The following UMAD1 variants were observed in gnomAD, a reference collection of about 807,000 sequenced individuals.
The protein encoded by UMAD1 is UBAP1-MVB12-associated (UMA)-domain containing protein 1.
Under a neutral mutation model 6.1 loss-of-function variants are expected in UMAD1, and 8 were observed. The ratio of observed to expected loss-of-function variants is 1.30; its 90% CI spans 0.76 to 2.35. UMAD1 has a LOEUF of 2.35. Ranked by LOEUF, UMAD1 falls within the 30% of genes most tolerant of loss-of-function variation. UMAD1 has a pLI of 0.00. For missense variants in UMAD1, 130 were observed against 78.4 expected, an observed-to-expected ratio of 1.66 and a Z score of -2.49; for synonymous variants, 56 against 31.4, an observed-to-expected ratio of 1.78 and a Z score of -2.61.
chr7:7,755,719 G>A (rs1379492126), intron 2 of UMAD1, among the ~76,000 whole-genome samples: 1 of 152,132 alleles, frequency 6.6e-6, no homozygotes, highest in Admixed American at 6.5e-5. Context: ...GTGGTTACAA[G>A]TTAAGAAACC....
intron 2 of UMAD1, among the ~76,000 whole-genome samples, chr7:7,689,888 C>G (rs1780133894): frequency 6.6e-6 from 1 of 152,106 alleles, no homozygotes; most frequent in South Asian, 2.1e-4. Context: ...TGATTAACAA[C>G]CATAGTAATT....
intron 2 of UMAD1, among the ~76,000 whole-genome samples, chr7:7,760,096 G>T (rs551775902): frequency 1.3e-5 from 2 of 152,194 alleles, no homozygotes; most frequent in South Asian, 2.1e-4. Flanking sequence ...TGCTCTTGGA[G>T]CCCGGAGCCA....
intron 3 of UMAD1, among the ~76,000 whole-genome samples, chr7:7,857,247 C>T (rs1055575726): frequency 2.0e-5 from 3 of 152,190 alleles, no homozygotes; most frequent in South Asian, 2.1e-4. Flanking sequence ...AGGGTCCACC[C>T]GGGAGTTTAC....
At chr7:7,838,011 C>G (rs75276521) in intron 3 of UMAD1, among the ~76,000 whole-genome samples, 8,318 of 151,870 alleles carry the variant, frequency 0.055, 469 homozygotes, top group East Asian at 0.21. Context: ...TTGTATGCCC[C>G]CAATAACAGA....
chr7:7,852,346 C>T (rs1270078860), intron 3 of UMAD1, among the ~76,000 whole-genome samples: 2 of 152,172 alleles, frequency 1.3e-5, no homozygotes, highest in Non-Finnish European at 2.9e-5. Flanking sequence ...AAGACACCTG[C>T]TGGGTGTCCT....
intron 2 of UMAD1, among the ~76,000 whole-genome samples, chr7:7,771,758 G>T (rs1341862665): frequency 6.6e-6 from 1 of 152,052 alleles, no homozygotes; most frequent in African/African-American, 2.4e-5. Flanking sequence ...CCTCACATTA[G>T]CTATGGCCCA....
intron 2 of UMAD1, among the ~76,000 whole-genome samples, chr7:7,682,946 C>T (rs994500166): frequency 1.3e-5 from 2 of 152,176 alleles, no homozygotes; most frequent in Non-Finnish European, 2.9e-5. Flanking sequence ...TTACCTGATT[C>T]TGGTTTACCT....
At chr7:7,643,520 G>A (rs984921959) in intron 1 of UMAD1, among the ~76,000 whole-genome samples, 1 of 152,184 alleles carries the variant, frequency 6.6e-6, no homozygotes, top group Non-Finnish European at 1.5e-5. Flanking sequence ...AGACCACCCT[G>A]GTCAACATGG....
At chr7:7,648,162 T>C (rs1859603) in intron 1 of UMAD1, among the ~76,000 whole-genome samples, 101,288 of 152,058 alleles carry the variant, frequency 0.67, 34,218 homozygotes, top group East Asian at 0.88. Flanking sequence ...AAAGAAGTCA[T>C]TTCGTTCTAA....
chr7:7,644,159 C>T (rs1219233802), intron 1 of UMAD1, among the ~76,000 whole-genome samples: 1 of 152,080 alleles, frequency 6.6e-6, no homozygotes, highest in African/African-American at 2.4e-5. Context: ...TGTCGTGACC[C>T]TAATTTGCAC....
At chr7:7,783,475 G>A (rs1370071272) in intron 2 of UMAD1, among the ~76,000 whole-genome samples, 4 of 151,912 alleles carry the variant, frequency 2.6e-5, no homozygotes, top group African/African-American at 9.7e-5. Flanking sequence ...CTACGAGGCT[G>A]GGAAGTGAGA....
chr7:7,691,374 A>C (rs1166419343), intron 2 of UMAD1, among the ~76,000 whole-genome samples: 1 of 152,236 alleles, frequency 6.6e-6, no homozygotes, highest in African/African-American at 2.4e-5. Flanking sequence ...AAAATAAACC[A>C]AACATTAATA....
At chr7:7,761,975 A>G (rs79113948) in intron 2 of UMAD1, among the ~76,000 whole-genome samples, 8,332 of 152,210 alleles carry the variant, frequency 0.055, 453 homozygotes, top group African/African-American at 0.13. Context: ...ATGTTTGTTT[A>G]ATTGAATTGC....
intron 1 of UMAD1, among the ~76,000 whole-genome samples, chr7:7,643,148 G>C (rs1294831804): frequency 6.6e-6 from 1 of 152,146 alleles, no homozygotes; most frequent in Non-Finnish European, 1.5e-5. Context: ...GCGCCAGGGA[G>C]AGGCCATTTC....
chr7:7,690,413 T>A (rs1780146515), intron 2 of UMAD1, among the ~76,000 whole-genome samples: 1 of 152,092 alleles, frequency 6.6e-6, no homozygotes, highest in Non-Finnish European at 1.5e-5. Context: ...TTTACTGGAG[T>A]TGAACATTAA....
intron 3 of UMAD1, among the ~76,000 whole-genome samples, chr7:7,804,596 C>T (rs936259122): frequency 2.0e-5 from 3 of 152,198 alleles, no homozygotes; most frequent in Non-Finnish European, 4.4e-5. Context: ...CTGCTTGAAA[C>T]TGGGAGGCGG....
chr7:7,823,416 T>A (rs532922161), intron 3 of UMAD1, among the ~76,000 whole-genome samples: 1 of 152,160 alleles, frequency 6.6e-6, no homozygotes, highest in African/African-American at 2.4e-5. Flanking sequence ...AAGTTATCTA[T>A]ATTTGATCTG....
chr7:7,754,108 C>T (rs1781730223), intron 2 of UMAD1, among the ~76,000 whole-genome samples: 2 of 152,082 alleles, frequency 1.3e-5, no homozygotes, highest in Non-Finnish European at 2.9e-5. Flanking sequence ...TCGCTTGAAC[C>T]TGGGAGGCGG....
At chr7:7,756,937 G>A (rs1014760487) in intron 2 of UMAD1, among the ~76,000 whole-genome samples, 2 of 152,194 alleles carry the variant, frequency 1.3e-5, no homozygotes, top group Admixed American at 6.5e-5. Flanking sequence ...ACAGTGTGTG[G>A]TACCTGCTTG....
Sources: gnomAD v4.1 joint callset for allele counts (sites outside exome capture counted in the v4.1 genomes callset) on GRCh38, gnomAD v4.1.1 for gene constraint, MANE v1.5 for transcripts, NCBI Gene and HGNC (gene_info 2026-07-23, HGNC 2026-07-21) for gene names.